PCDHGA1: variants seen among roughly 807,000 people sequenced by gnomAD.
The protein encoded by PCDHGA1 is protocadherin gamma subfamily A, 1.
Under a neutral mutation model 58.0 loss-of-function variants are expected in PCDHGA1, and 32 were observed. The observed-to-expected ratio is 0.55, with a 90% CI of 0.42 to 0.74. The LOEUF (loss-of-function observed/expected upper bound fraction) is 0.74, where lower values mean the gene tolerates loss of function less well. PCDHGA1 is among the 30% of genes least tolerant of loss of function. PCDHGA1 has a pLI of 0.00. For synonymous variants in PCDHGA1, 498 were observed against 501.1 expected (o/e 0.99, Z 0.08); for missense variants, 1,205 against 1,182.3 (o/e 1.02, Z -0.28).
intron 1 of PCDHGA1, chr5:141,417,622 G>T (rs1036510827): frequency 1.5e-6 from 1 of 668,534 alleles, no homozygotes; most frequent in Non-Finnish European, 2.4e-6. Flanking sequence ...TGCAGAGCAA[G>T]CGCTGACGCC....
rs139867523 is a variant in PCDHGA1, at chr5:141,474,274, G to A, written c.2422-20533G>A. 1.2e-4 allele frequency among the ~76,000 whole-genome samples: 19 copies of A among 152,278 alleles called. No homozygotes were observed. In the East Asian group the frequency reaches 3.3e-3, roughly 26 times the overall value. On this transcript the variant is annotated intron_variant, in intron 1 of 3. Coordinates refer to ENST00000517417, the MANE Select transcript of PCDHGA1 (RefSeq NM_018912.3). ...AAGACTGATAAACCAGTGTATCTCT[G>A]AATAACCCACTAGATCAGTGCTTGT...
rs146919978 is a variant in PCDHGA1, at chr5:141,489,268, G to A, written c.2422-5539G>A. 1,443 of 1,553,166 alleles carry A rather than the reference G, an allele frequency of 9.3e-4. 2 individuals are homozygous for A. The highest frequency in any genetic ancestry group is 1.2e-3 in the Non-Finnish European group (1,381 of 1,149,786). On this transcript the variant is annotated intron_variant, in intron 1 of 3. Transcript: ENST00000517417. The surrounding 1 kb of genome is among the most constrained non-coding windows in gnomAD (Gnocchi z 4.5). ...GGGGCCCAAGACACTCCCACAGCTCGCTGGGAAATGGCAAGTGCTGTGCAT... is the reference window on the plus strand; with the variant it reads ...GGGGCCCAAGACACTCCCACAGCTCACTGGGAAATGGCAAGTGCTGTGCAT...
At chr5:141,357,053 C>T (rs1561513386) in intron 1 of PCDHGA1, 1 of 1,614,020 alleles carries the variant, frequency 6.2e-7, no homozygotes, top group Non-Finnish European at 8.5e-7. Context: ...GGACTATTTG[C>T]AGTGGGGCTG....
intron 1 of PCDHGA1, chr5:141,355,437 G>A (rs746063927): frequency 5.0e-6 from 8 of 1,613,990 alleles, no homozygotes; most frequent in African/African-American, 1.3e-5. Context: ...CCCTGAACCC[G>A]CGCAGCGGCA....
At chr5:141,397,495 A>T (rs1346259397) in intron 1 of PCDHGA1, among the ~76,000 whole-genome samples, 2 of 152,226 alleles carry the variant, frequency 1.3e-5, no homozygotes, top group Non-Finnish European at 2.9e-5. Flanking sequence ...GAACAGAAGA[A>T]TGATAAAATT....
intron 1 of PCDHGA1, chr5:141,339,428 C>G: frequency 1.2e-6 from 2 of 1,614,216 alleles, no homozygotes; most frequent in Non-Finnish European, 1.7e-6. Context: ...ATTCCGGATT[C>G]CTCTTAAGAA....
rs141605264 is a variant in PCDHGA1, at chr5:141,479,755, A to C, written c.2422-15052A>C. The C allele has an allele frequency of 2.6e-3, 390 of 152,364 alleles. 2 individuals are homozygous for C. The highest frequency in any genetic ancestry group is 9.1e-3 in the African/African-American group (378 of 41,580). 9.4% of individuals were successfully genotyped at this position (152,364 alleles called of 1,614,324 possible). On this transcript the variant is annotated intron_variant, in intron 1 of 3. Coordinates refer to ENST00000517417, the MANE Select transcript of PCDHGA1 (RefSeq NM_018912.3). ...AGTATATGCACAATGTGAAAGGTAG[A>C]TAAATTCATATCCTTAGACAGGTAA...
intron 1 of PCDHGA1, among the ~76,000 whole-genome samples, chr5:141,439,050 A>G (rs1353548752): frequency 1.3e-5 from 2 of 151,164 alleles, no homozygotes; most frequent in Non-Finnish European, 2.9e-5. Flanking sequence ...TAAGATTTCC[A>G]TATTGTGTGG....
rs769514553 is a variant in PCDHGA1, at chr5:141,490,072, G to T, written c.2422-4735G>T. On this transcript the variant is annotated intron_variant, in intron 1 of 3. Transcript: ENST00000517417. The surrounding 1 kb of genome is among the most constrained non-coding windows in gnomAD (Gnocchi z 5.4). Reference sequence around the variant, plus strand: ...AGACGAGGGCACCAACGGCCAACTAGACTATTCTTTTGGAGACCACACATC... The same window carrying T: ...AGACGAGGGCACCAACGGCCAACTATACTATTCTTTTGGAGACCACACATC... 2 of 1,614,254 alleles carry T rather than the reference G, an allele frequency of 1.2e-6. No homozygotes were observed. Among genetic ancestry groups the T allele is most frequent in the South Asian group, 2.2e-5 (2 of 91,090 alleles).
At chr5:141,365,876 G>A (rs1764179173) in intron 1 of PCDHGA1, 2 of 1,614,122 alleles carry the variant, frequency 1.2e-6, no homozygotes, top group Non-Finnish European at 1.7e-6. Context: ...TGTCCTGTAT[G>A]CTCTGAGATC....
At chr5:141,387,340 G>A (rs565408747) in intron 1 of PCDHGA1, among the ~76,000 whole-genome samples, 2 of 152,306 alleles carry the variant, frequency 1.3e-5, no homozygotes, top group Non-Finnish European at 2.9e-5. Flanking sequence ...ACTGTACTCT[G>A]AGACGGTTTA....
chr5:141,395,813 A>G (rs1201631661), intron 1 of PCDHGA1: 2 of 152,062 alleles, frequency 1.3e-5, no homozygotes, highest in East Asian at 3.9e-4. Context: ...CAAAACATGA[A>G]CAAACTTTAA....
At chr5:141,368,314 C>T (rs928484151) in intron 1 of PCDHGA1, among the ~76,000 whole-genome samples, 1 of 152,080 alleles carries the variant, frequency 6.6e-6, no homozygotes, top group Admixed American at 6.6e-5. Context: ...TGTTAAAGAG[C>T]ATTCAAGTAT....
intron 1 of PCDHGA1, among the ~76,000 whole-genome samples, chr5:141,451,062 T>C (rs1292296274): frequency 1.3e-5 from 2 of 151,500 alleles, no homozygotes; most frequent in Non-Finnish European, 2.9e-5. Flanking sequence ...ACTCCTGACC[T>C]TGTGATCCAC....
chr5:141,366,599 G>C lies in PCDHGA1; in HGVS notation c.2421+33494G>C, dbSNP rs778631625. The C allele has an allele frequency of 6.2e-7, 1 of 1,614,214 alleles. No individual in the cohort carries two copies. The highest frequency in any genetic ancestry group is 8.5e-7 in the Non-Finnish European group (1 of 1,180,046). ...TTTCCTGCAGACCTATTCCCACGAG[G>C]TCTCCCTCACCGCGGACTCGAGGAA... On this transcript the variant is annotated intron_variant, in intron 1 of 3. Coordinates refer to ENST00000517417, the MANE Select transcript of PCDHGA1 (RefSeq NM_018912.3).
intron 1 of PCDHGA1, chr5:141,413,709 C>T (rs998398149): frequency 2.4e-5 from 39 of 1,613,536 alleles, no homozygotes; most frequent in Non-Finnish European, 3.3e-5. Flanking sequence ...AGCTCAGCCC[C>T]AATAAGCACT....
rs1488042504 is a variant in PCDHGA1, at chr5:141,511,552, T to C, written c.*379T>C. ...CCTCCTCCCCACCCCACTCCAACAG[T>C]TCCTCTTTCCCGAGTAAGGTGGTTG... On this transcript the variant is annotated 3_prime_UTR_variant, in exon 4 of 4. Coordinates refer to ENST00000517417, the MANE Select transcript of PCDHGA1 (RefSeq NM_018912.3). 1.3e-5 allele frequency: 4 copies of C among 304,316 alleles called. No individual in the cohort carries two copies. The highest frequency in any genetic ancestry group is 2.6e-5 in the Non-Finnish European group (4 of 156,548). The allele number at this position is 304,316 out of a possible 1,614,324, so 18.9% of individuals were successfully genotyped here.
intron 1 of PCDHGA1, chr5:141,403,315 A>G (rs1268267002): frequency 6.2e-7 from 1 of 1,613,974 alleles, no homozygotes; most frequent in Non-Finnish European, 8.5e-7. Flanking sequence ...GAATAGAAAT[A>G]GAAGTAACTG....
At chr5:141,372,521 G>A (rs1768831766) in intron 1 of PCDHGA1, 1 of 1,614,014 alleles carries the variant, frequency 6.2e-7, no homozygotes, top group Non-Finnish European at 8.5e-7. Flanking sequence ...CGGTGATTCT[G>A]GCAATCTCCC....
Sources: allele counts gnomAD v4.1 joint callset (sites outside exome capture counted in the v4.1 genomes callset), GRCh38; gene constraint gnomAD v4.1.1; non-coding constraint Gnocchi (gnomAD v3.1); transcripts MANE v1.5; gene names NCBI Gene and HGNC (gene_info 2026-07-23, HGNC 2026-07-21).